The following AGBL2 variants were observed in gnomAD, a reference collection of about 807,000 sequenced individuals.
AGBL2 encodes the protein AGBL carboxypeptidase 2, also known as cytosolic carboxypeptidase 2.
In AGBL2, 87 loss-of-function variants were observed where a neutral mutation model predicts 103.0. The observed-to-expected ratio is 0.84, with a 90% CI of 0.71 to 1.01. AGBL2 has a LOEUF of 1.01. Ranked by LOEUF, AGBL2 falls within the 50% of genes least tolerant of loss-of-function variation. The pLI is 0.00. For missense variants in AGBL2, 904 were observed against 1,023.5 expected (o/e 0.88, Z 1.59); for synonymous variants, 335 against 356.7 (o/e 0.94, Z 0.69).
chr11:47,693,627 G>GT lies in AGBL2; in HGVS notation c.695-1372dup, dbSNP rs2097456319. Among the ~76,000 whole-genome samples, 5 of 152,242 alleles carry GT rather than the reference G, an allele frequency of 3.3e-5. No homozygotes were observed. The South Asian group carries it at 1.0e-3, about 32-fold the overall frequency. ...ATACTGTTTTGATTACTGTATGTTC[G>GT]TAGTGTTTTGAAATCAAGAAATGTG... On this transcript the variant is annotated intron_variant, in intron 8 of 18. Coordinates refer to ENST00000525123, the MANE Select transcript of AGBL2 (RefSeq NM_024783.4).
intron 14 of AGBL2, 94 bp downstream of exon 14, chr11:47,677,177 T>C: frequency 9.2e-7 from 1 of 1,084,048 alleles, no homozygotes; most frequent in Non-Finnish European, 1.2e-6. Context: ...CCAGCTAATT[T>C]TTGTATTTTT....
At chr11:47,714,902 G>A (rs2097545651) in intron 1 of AGBL2, 152 bp from the exon 2 acceptor site, 4 of 526,366 alleles carry the variant, frequency 7.6e-6, no homozygotes, top group Non-Finnish European at 1.4e-5. Flanking sequence ...TCTGAGACAG[G>A]GAGGGCAGCG....
At chr11:47,660,369 A>C in intron 18 of AGBL2, 23 bp from the exon 19 acceptor site, 1 of 1,582,674 alleles carries the variant, frequency 6.3e-7, no homozygotes, top group Non-Finnish European at 8.6e-7. Flanking sequence ...GATTTTAAAA[A>C]GTTGAATTCA....
At chr11:47,691,729 A>AAAAAAAAAAAAAAAAATATATACAT in intron 9 of AGBL2, among the ~76,000 whole-genome samples, 3 of 4,850 alleles carry the variant, frequency 6.2e-4, no homozygotes, top group Non-Finnish European at 1.1e-3. Context: ...AAAAAAAAAA[A>AAAAAAAAAAAAAAAAATATATACAT]ATATATATAT....
chr11:47,667,790 G>A, intron 15 of AGBL2, 94 bp from the exon 16 acceptor site: 2 of 1,385,798 alleles, frequency 1.4e-6, no homozygotes, highest in Non-Finnish European at 2.0e-6. Flanking sequence ...AGACACAAAG[G>A]CTAACTCGGT....
rs1191828696 is a variant in AGBL2, at chr11:47,681,949, A to T, written c.1915+20T>A. The T allele has an allele frequency of 6.2e-7, 1 of 1,609,954 alleles. No homozygotes were observed. Among genetic ancestry groups the T allele is most frequent in the Non-Finnish European group, 8.5e-7 (1 of 1,178,840 alleles). ...ATTTCCCTTCCTATGCTGGCCTATG[A>T]TATACAAAAGAGAATGTACCCAGGG... On this transcript the variant is annotated intron_variant, in intron 12 of 18. Transcript: ENST00000525123.
chr11:47,687,609 C>T (rs2097429137), intron 10 of AGBL2, among the ~76,000 whole-genome samples: 1 of 151,662 alleles, frequency 6.6e-6, no homozygotes, highest in African/African-American at 2.4e-5. Context: ...CCTACTCCTG[C>T]TTTCGCCATA....
In AGBL2 at chr11:47,690,800, G is replaced by A; in HGVS notation, c.907C>T (p.Gln303Ter). 6.2e-7 allele frequency: 1 copy of A among 1,613,868 alleles called. No individual in the cohort carries two copies. The highest frequency in any genetic ancestry group is 1.3e-5 in the African/African-American group (1 of 75,008). The change falls in exon 10 of 19, where the codon CAG becomes TAG. Residue 303 changes from glutamine (Q) to a stop codon, truncating the protein, a stop_gained. Coordinates refer to ENST00000525123, the MANE Select transcript of AGBL2 (RefSeq NM_024783.4). LOFTEE classifies it high-confidence loss of function. The part of the protein sequence containing the change: ...RTDLYTNKHT[Q>*]WFYFRVQNTR... ...TTCTGAACACGAAAATAAAACCACT[G>A]AGTGTGTTTGTTAGTGTAGAGGTCA... is the stretch of plus-strand genomic sequence containing the variant.
chr11:47,673,960 T>G (rs2097365837), intron 14 of AGBL2, among the ~76,000 whole-genome samples: 1 of 148,714 alleles, frequency 6.7e-6, no homozygotes, highest in Non-Finnish European at 1.5e-5. Context: ...GCCGTGGTGG[T>G]GGGCACCTGT....
intron 18 of AGBL2, among the ~76,000 whole-genome samples, chr11:47,662,026 G>A (rs1158065771): frequency 2.0e-5 from 3 of 151,946 alleles, no homozygotes; most frequent in Admixed American, 1.3e-4. Context: ...TGGGATTACA[G>A]GCATAAGCCA....
intron 10 of AGBL2, among the ~76,000 whole-genome samples, chr11:47,687,135 A>T (rs571631789): frequency 7.9e-5 from 10 of 127,250 alleles, no homozygotes; most frequent in South Asian, 3.1e-4. Context: ...TAATAATAAT[A>T]AAAAAATAAA....
At chr11:47,714,474 T>G in intron 2 of AGBL2, 127 bp from the exon 3 acceptor site, 6 of 1,309,132 alleles carry the variant, frequency 4.6e-6, no homozygotes, top group Non-Finnish European at 6.6e-6. Context: ...ATGCGAATTA[T>G]TCTATCGTGG....
At chr11:47,678,501 A>C in intron 13 of AGBL2, among the ~76,000 whole-genome samples, 1 of 148,124 alleles carries the variant, frequency 6.8e-6, no homozygotes, top group South Asian at 2.2e-4. Flanking sequence ...GCCTGGCTAA[A>C]TTTTTGTATT....
chr11:47,692,733 A>T (rs1454523460), intron 8 of AGBL2, among the ~76,000 whole-genome samples: 4 of 151,596 alleles, frequency 2.6e-5, no homozygotes, highest in Admixed American at 6.6e-5. Flanking sequence ...ATTTTTTTTT[A>T]AATGAATTAT....
At chr11:47,660,397 CA>C (rs1198646557) in intron 18 of AGBL2, 51 bp from the exon 19 acceptor site, 1 of 1,550,270 alleles carries the variant, frequency 6.5e-7, no homozygotes, top group East Asian at 2.3e-5. Context: ...TTGCCATTTC[CA>C]AATATGTAGT....
At chr11:47,675,491 C>T (rs1328781728) in intron 14 of AGBL2, among the ~76,000 whole-genome samples, 1 of 146,722 alleles carries the variant, frequency 6.8e-6, no homozygotes, top group Non-Finnish European at 1.5e-5. Context: ...TTCAGGCGAT[C>T]CTCCCTCCCG....
At chr11:47,681,335 C>G (rs1188239707) in intron 12 of AGBL2, among the ~76,000 whole-genome samples, 1 of 151,508 alleles carries the variant, frequency 6.6e-6, no homozygotes, top group African/African-American at 2.4e-5. Flanking sequence ...CTCAAAAAAA[C>G]AAAATAAATA....
Position 47,677,329 on chromosome 11 carries a change from G to A in AGBL2, c.2089C>T (p.Gln697Ter). Residue 697 changes from glutamine (Q) to a stop codon, truncating the protein, a stop_gained, in exon 14 of 19, where the codon CAA becomes TAA. Transcript: ENST00000525123. LOFTEE classifies it high-confidence loss of function. ...EIHKKFHELG[Q>*]DVDLEGSWSD... ...CAACTTCCTTCTAAATCTACATCTT[G>A]TCCAAGTTCATGGAATTTCTTGTGG... The A allele has an allele frequency of 6.2e-7, 1 of 1,611,554 alleles. No homozygotes were observed. Among genetic ancestry groups the A allele is most frequent in the South Asian group, 1.1e-5 (1 of 90,688 alleles).
At chr11:47,694,455 G>T (rs972192690) in intron 8 of AGBL2, among the ~76,000 whole-genome samples, 1 of 152,106 alleles carries the variant, frequency 6.6e-6, no homozygotes, top group African/African-American at 2.4e-5. Context: ...TATATGTGGA[G>T]GCCCTTCCAA....
Sources: allele counts gnomAD v4.1 joint callset (sites outside exome capture counted in the v4.1 genomes callset), GRCh38; gene constraint gnomAD v4.1.1; transcripts MANE v1.5; gene names NCBI Gene and HGNC (gene_info 2026-07-23, HGNC 2026-07-21).